The following TG variants were observed in gnomAD, a reference collection of about 807,000 sequenced individuals.
TG encodes thyroid hormones.
A neutral mutation model predicts 324.7 loss-of-function variants in TG; 270 were observed. That is an observed-to-expected ratio of 0.83 (90% CI 0.75 to 0.92). The LOEUF is 0.92. Among genes scored for constraint, TG ranks in the 40% least tolerant of loss-of-function variants. The probability of loss-of-function intolerance (pLI) is 0.00; values close to 1 mark genes in which losing one functional copy is unlikely to be tolerated. For missense variants in TG, 3,591 were observed against 3,456.4 expected (o/e 1.04, Z -0.98); for synonymous variants, 1,401 against 1,327.0 (o/e 1.06, Z -1.21).
chr8:133,111,304 A>G (rs1459153695), intron 43 of TG, among the ~76,000 whole-genome samples: 1 of 152,212 alleles, frequency 6.6e-6, no homozygotes, highest in Non-Finnish European at 1.5e-5. Context: ...CAAGCTAGGC[A>G]GGTTCTCTCA....
rs566548149 is a variant in TG, at chr8:133,056,745, G to A, written c.7239+26722G>A. Among the ~76,000 whole-genome samples the A allele has an allele frequency of 1.7e-4, 26 of 152,278 alleles. 1 individual carries two copies. The highest frequency in any genetic ancestry group is 5.8e-4 in the African/African-American group (24 of 41,544). The stretch of plus-strand genomic sequence containing the variant: ...TGTCTGGAGGCTGTGAGCACCAAGC[G>A]GCTCTAATCATTCCCGTTTTACAAA... On this transcript the variant is annotated intron_variant, in intron 41 of 47. Coordinates refer to ENST00000220616, the MANE Select transcript of TG (RefSeq NM_003235.5).
In TG at chr8:132,897,697, G is replaced by A. The variant is rs770916833; in HGVS notation, c.3050G>A (p.Gly1017Glu). Residue 1017 changes from glycine to glutamate, a missense_variant, in exon 12 of 48, where the codon GGA becomes GAA. Gly to Glu is a moderately conservative substitution (Grantham distance 98, BLOSUM62 -2). Coordinates refer to ENST00000220616, the MANE Select transcript of TG (RefSeq NM_003235.5). Reference sequence around the variant, plus strand: ...CGCTTTTCCCCGGACGACTCGGCTGGAGCATCCGCCCTTCTGCGGTCGGGC... The same window carrying A: ...CGCTTTTCCCCGGACGACTCGGCTGAAGCATCCGCCCTTCTGCGGTCGGGC... ...RRRFSPDDSA[G>E]ASALLRSGPY... 3.2e-5 allele frequency: 51 copies of A among 1,614,108 alleles called. No homozygotes were observed. In the South Asian group the frequency reaches 5.3e-4, roughly 17 times the overall value.
intron 35 of TG, chr8:133,002,275 A>G: frequency 2.0e-6 from 2 of 985,474 alleles, no homozygotes; most frequent in Non-Finnish European, 2.4e-6. Flanking sequence ...ATGCAGCTCT[A>G]TAGTGATGTG....
At chr8:132,888,595 A>ATGTG (rs3832581) in intron 10 of TG, 27 bp downstream of exon 10, 35,189 of 1,331,832 alleles carry the variant, frequency 0.026, 1,307 homozygotes, top group African/African-American at 0.21. Flanking sequence ...GAAGAGTTAA[A>ATGTG]TGTGTGTGTG....
At chr8:133,078,408 G>A (rs144284500) in intron 41 of TG, among the ~76,000 whole-genome samples, 7 of 152,246 alleles carry the variant, frequency 4.6e-5, no homozygotes, top group African/African-American at 1.4e-4. Context: ...TTGTGAGTTC[G>A]CTTCCATGTC....
intron 41 of TG, among the ~76,000 whole-genome samples, chr8:133,091,171 T>A (rs1001048241): frequency 4.6e-5 from 7 of 152,246 alleles, no homozygotes; most frequent in African/African-American, 1.7e-4. Flanking sequence ...TCGTCTTCAT[T>A]GTTGTGTCTG....
At chr8:133,038,229 T>G in intron 41 of TG, 1 of 412,660 alleles carries the variant, frequency 2.4e-6, no homozygotes, top group Non-Finnish European at 4.5e-6. Context: ...AGTGGCTTTG[T>G]CCTTCCCACA....
At chr8:133,005,282 G>A (rs1020938808) in intron 35 of TG, among the ~76,000 whole-genome samples, 1 of 152,170 alleles carries the variant, frequency 6.6e-6, no homozygotes, top group African/African-American at 2.4e-5. Context: ...TGGGACAGGG[G>A]GACAGGGGGA....
intron 35 of TG, among the ~76,000 whole-genome samples, chr8:132,989,137 C>A (rs550785857): frequency 6.6e-6 from 1 of 152,286 alleles, no homozygotes; most frequent in Admixed American, 6.5e-5. Flanking sequence ...TATTCACTAT[C>A]ATGAAAACAG....
At chr8:133,125,208 G>T (rs1010927286) in intron 45 of TG, among the ~76,000 whole-genome samples, 1 of 152,206 alleles carries the variant, frequency 6.6e-6, no homozygotes, top group African/African-American at 2.4e-5. Context: ...GACTATAGTT[G>T]CAGGTGGGGC....
rs758531003 is a variant in TG, at chr8:132,888,104, A to G, written c.2297A>G (p.Asp766Gly). The change falls in exon 10 of 48, where the codon GAT becomes GGT. Residue 766 changes from aspartate (D) to glycine (G), a missense_variant. Coordinates refer to ENST00000220616, the MANE Select transcript of TG (RefSeq NM_003235.5). Reference protein sequence around the residue: ...SDTYIPQCSTDGQWRQVQCNG... With the variant: ...SDTYIPQCSTGGQWRQVQCNG... ...ACCTACATCCCACAGTGCAGCACCG[A>G]TGGGCAGTGGAGACAAGTGCAATGC... 1.2e-6 allele frequency: 2 copies of G among 1,614,088 alleles called. No individual in the cohort carries two copies. Among genetic ancestry groups the G allele is most frequent in the Admixed American group, 1.7e-5 (1 of 60,014 alleles).
At chr8:132,871,231 G>A in intron 3 of TG, 117 bp from the exon 4 acceptor site, 1 of 1,032,780 alleles carries the variant, frequency 9.7e-7, no homozygotes, top group Non-Finnish European at 1.5e-6. Context: ...CGTGTCCTTG[G>A]GCGGGTCATT....
intron 41 of TG, chr8:133,036,929 A>G (rs926235127): frequency 1.3e-5 from 2 of 152,422 alleles, no homozygotes; most frequent in African/African-American, 4.8e-5. Context: ...GCGGGAAGTC[A>G]ATGTCCACAG....
chr8:133,045,442 T>G (rs983119670), intron 41 of TG, among the ~76,000 whole-genome samples: 2 of 131,888 alleles, frequency 1.5e-5, no homozygotes, highest in South Asian at 2.7e-4. Context: ...TCACCCAGAC[T>G]GGAGTGCAGT....
intron 41 of TG, among the ~76,000 whole-genome samples, chr8:133,052,329 T>A (rs1169409844): frequency 6.6e-6 from 1 of 152,250 alleles, no homozygotes; most frequent in East Asian, 1.9e-4. Context: ...ATTGTTCATT[T>A]GGGGAAGCTG....
chr8:133,036,961 G>A (rs917266348), intron 41 of TG: 5 of 152,314 alleles, frequency 3.3e-5, no homozygotes, highest in Middle Eastern at 3.2e-3. Context: ...TTTCTCATAC[G>A]TTGGCTGGTT....
At chr8:133,008,547 T>C (rs1834222878) in intron 35 of TG, among the ~76,000 whole-genome samples, 1 of 152,026 alleles carries the variant, frequency 6.6e-6, no homozygotes, top group Non-Finnish European at 1.5e-5. Context: ...AACCATAGAC[T>C]CTACTTTTCA....
intron 41 of TG, among the ~76,000 whole-genome samples, chr8:133,053,282 G>A (rs1840763299): frequency 6.6e-6 from 1 of 152,212 alleles, no homozygotes; most frequent in African/African-American, 2.4e-5. Context: ...ACTGTCAGGG[G>A]AATGCCCATC....
chr8:132,875,726 T>C (rs1236708656), intron 5 of TG, among the ~76,000 whole-genome samples: 6 of 152,356 alleles, frequency 3.9e-5, no homozygotes, highest in Non-Finnish European at 5.9e-5. Context: ...AAAAATTTAC[T>C]CCTGAAATGG....
Sources: allele counts gnomAD v4.1 joint callset (sites outside exome capture counted in the v4.1 genomes callset), GRCh38; gene constraint gnomAD v4.1.1; transcripts MANE v1.5; gene names NCBI Gene and HGNC (gene_info 2026-07-23, HGNC 2026-07-21).